Variants in GABBR2 observed in about 807,000 individuals in gnomAD.
The protein encoded by GABBR2 is gamma-aminobutyric acid type B receptor subunit 2.
In GABBR2, 23 loss-of-function variants were observed where a neutral mutation model predicts 105.6. That is an observed-to-expected ratio of 0.22 (90% confidence interval 0.16 to 0.31). The LOEUF (loss-of-function observed/expected upper bound fraction) is 0.31. Ranked by LOEUF, GABBR2 falls within the 10% of genes least tolerant of loss-of-function variation. The pLI, the probability that GABBR2 is intolerant of heterozygous loss-of-function variation, is 1.00. For missense variants in GABBR2, 734 were observed against 1,245.5 expected (o/e 0.59, Z 6.18); for synonymous variants, 478 against 499.7 (o/e 0.96, Z 0.58).
intron 3 of GABBR2, among the ~76,000 whole-genome samples, chr9:98,507,574 G>A (rs1827539348): frequency 6.6e-6 from 1 of 152,154 alleles, no homozygotes; most frequent in Non-Finnish European, 1.5e-5. Context: ...AATTTGTGTT[G>A]TTTAAAGCCA....
At chr9:98,664,640 A>G (rs1364756480) in intron 1 of GABBR2, among the ~76,000 whole-genome samples, 1 of 152,176 alleles carries the variant, frequency 6.6e-6, no homozygotes, top group African/African-American at 2.4e-5. Context: ...AGGACACCAT[A>G]TTGGTCTTTT....
In GABBR2 at chr9:98,677,490, C is replaced by A. The variant is rs576057991; in HGVS notation, c.321+30927G>T. On this transcript the variant is annotated intron_variant, in intron 1 of 18. Coordinates refer to ENST00000259455, the MANE Select transcript of GABBR2 (RefSeq NM_005458.8). The stretch of plus-strand genomic sequence containing the variant: ...GGTGGTTATTGGCTATGTATTCTCT[C>A]TTTAGATCTTGTTCATTTTCAGCCA... 6.6e-5 allele frequency among the ~76,000 whole-genome samples: 10 copies of A among 152,314 alleles called. 1 individual carries two copies. The South Asian group carries it at 2.1e-3, about 32-fold the overall frequency.
rs1054482659 is a variant in GABBR2, at chr9:98,454,342, G to A, written c.1000-125C>T. On this transcript the variant is annotated intron_variant, in intron 6 of 18. Transcript: ENST00000259455. This position sits in a 1 kb window ranked among gnomAD's most constrained non-coding sequence, Gnocchi z 4.6. ...TGCCAGGTACAGTGCTAGATTCTAC[G>A]TGCATTATCTCATTTAACCCTCACA... 31 of 709,520 alleles carry A rather than the reference G, an allele frequency of 4.4e-5. No homozygotes were observed. Among genetic ancestry groups the A allele is most frequent in the East Asian group, 7.5e-5 (3 of 40,254 alleles). The allele number at this position is 709,520 out of a possible 1,614,324, so 44.0% of individuals were successfully genotyped here.
At chr9:98,658,232 G>C (rs1053976938) in intron 1 of GABBR2, among the ~76,000 whole-genome samples, 1 of 152,180 alleles carries the variant, frequency 6.6e-6, no homozygotes, top group Non-Finnish European at 1.5e-5. Context: ...TTCCACTGGA[G>C]ATGCACACCA....
intron 3 of GABBR2, among the ~76,000 whole-genome samples, chr9:98,509,551 T>A (rs1164399554): frequency 6.6e-6 from 1 of 152,062 alleles, no homozygotes; most frequent in Non-Finnish European, 1.5e-5. Flanking sequence ...ATAACTAGAA[T>A]AACCAATGCA....
chr9:98,485,917 C>T (rs963978997), intron 4 of GABBR2, among the ~76,000 whole-genome samples: 2 of 152,128 alleles, frequency 1.3e-5, no homozygotes, highest in African/African-American at 4.8e-5. Context: ...CCACAGAGAG[C>T]AACCAACAAC....
intron 1 of GABBR2, among the ~76,000 whole-genome samples, chr9:98,669,043 ATTATT>A (rs916052056): frequency 1.3e-5 from 2 of 152,100 alleles, no homozygotes; most frequent in Non-Finnish European, 2.9e-5. Flanking sequence ...CCTGCTTTGA[ATTATT>A]TTGAGTGTCC....
At chr9:98,447,084 C>T (rs1464433227) in intron 7 of GABBR2, among the ~76,000 whole-genome samples, 6 of 84,046 alleles carry the variant, frequency 7.1e-5, no homozygotes, top group Admixed American at 2.5e-4. Context: ...TTTTTTGAGA[C>T]GGAGTCTCGC....
chr9:98,599,602 G>C (rs1421566837), intron 1 of GABBR2, among the ~76,000 whole-genome samples: 5 of 152,380 alleles, frequency 3.3e-5, no homozygotes, highest in Admixed American at 3.3e-4. Flanking sequence ...GGCTGAGGGG[G>C]CCACCTCTGT....
chr9:98,686,003 G>A (rs77966875), intron 1 of GABBR2, among the ~76,000 whole-genome samples: 14,401 of 152,114 alleles, frequency 0.095, 759 homozygotes, highest in Non-Finnish European at 0.11. Context: ...CTAAACTTTA[G>A]TCAGGCTCCT....
In GABBR2 at chr9:98,436,384, T is replaced by G. The variant is rs1419602518; in HGVS notation, c.1236+17597A>C. ...ATATATATATATATATATATATATA[T>G]ATATATATATATATATATATATAGT... On this transcript the variant is annotated intron_variant, in intron 7 of 18. Coordinates refer to ENST00000259455, the MANE Select transcript of GABBR2 (RefSeq NM_005458.8). 1.1e-3 allele frequency among the ~76,000 whole-genome samples: 53 copies of G among 48,536 alleles called. 3 individuals are homozygous for G. The highest frequency in any genetic ancestry group is 5.5e-3 in the African/African-American group (52 of 9,432). The allele number at this position is 48,536 out of a possible 152,430, so 31.8% of individuals were successfully genotyped here.
In GABBR2 at chr9:98,518,428, A is replaced by G. The variant is rs918675700; in HGVS notation, c.631-21914T>C. 2.0e-5 allele frequency among the ~76,000 whole-genome samples: 3 copies of G among 152,308 alleles called. No homozygotes were observed. In the East Asian group the frequency reaches 5.8e-4, roughly 29 times the overall value. On this transcript the variant is annotated intron_variant, in intron 3 of 18. Transcript: ENST00000259455. ...TAATTCATTTCACCACTGACCATGCATGCGCGAATCCCCTTAAGTTTCGGA... is the reference window on the plus strand; with the variant it reads ...TAATTCATTTCACCACTGACCATGCGTGCGCGAATCCCCTTAAGTTTCGGA...
intron 13 of GABBR2, among the ~76,000 whole-genome samples, chr9:98,362,223 C>A (rs1368476566): frequency 1.3e-5 from 2 of 152,192 alleles, no homozygotes; most frequent in Non-Finnish European, 2.9e-5. Flanking sequence ...TGCAAGACAA[C>A]TAAAAATATA....
At chr9:98,324,129 CA>C (rs2131379523) in intron 13 of GABBR2, among the ~76,000 whole-genome samples, 1 of 152,290 alleles carries the variant, frequency 6.6e-6, no homozygotes, top group African/African-American at 2.4e-5. Flanking sequence ...ATCTTGACTG[CA>C]GGCTCAGGGC....
chr9:98,615,886 G>A (rs2779539), intron 1 of GABBR2, among the ~76,000 whole-genome samples: 8,568 of 152,310 alleles, frequency 0.056, 933 homozygotes, highest in East Asian at 0.46. Flanking sequence ...CTCAATCCCA[G>A]TTCTGTCATC....
chr9:98,428,785 G>A (rs1164674971), intron 7 of GABBR2, among the ~76,000 whole-genome samples: 1 of 152,206 alleles, frequency 6.6e-6, no homozygotes, highest in African/African-American at 2.4e-5. Flanking sequence ...TGGACTTGGT[G>A]CTGACATGAT....
At chr9:98,299,198 A>G (rs777357702) in intron 17 of GABBR2, 26 bp downstream of exon 17, 1 of 1,608,836 alleles carries the variant, frequency 6.2e-7, no homozygotes, top group Non-Finnish European at 8.5e-7. Flanking sequence ...GGTCCCTACC[A>G]CATTCTGGGG....
chr9:98,299,170 G>A (rs1588087125), intron 17 of GABBR2, 54 bp downstream of exon 17: 1 of 1,461,780 alleles, frequency 6.8e-7, no homozygotes, highest in African/African-American at 1.4e-5. Context: ...AAGATGAACA[G>A]CTGGTGTTTG....
chr9:98,570,841 A>G (rs1212476986), intron 2 of GABBR2, among the ~76,000 whole-genome samples: 2 of 152,208 alleles, frequency 1.3e-5, no homozygotes, highest in African/African-American at 2.4e-5. Flanking sequence ...CCGTTTAACA[A>G]GAGGCTGCAG....
Sources: gnomAD v4.1 joint callset for allele counts (sites outside exome capture counted in the v4.1 genomes callset) on GRCh38, gnomAD v4.1.1 for gene constraint, Gnocchi (gnomAD v3.1) non-coding constraint, MANE v1.5 for transcripts, NCBI Gene and HGNC (gene_info 2026-07-23, HGNC 2026-07-21) for gene names.